ZBTB37: variants seen among roughly 807,000 people sequenced by gnomAD.
ZBTB37 encodes the protein zinc finger and BTB domain-containing protein 37.
Under a neutral mutation model 37.7 loss-of-function variants are expected in ZBTB37, and 15 were observed. That is an observed-to-expected ratio of 0.40 (90% CI 0.27 to 0.61). ZBTB37 has a LOEUF of 0.61. Ranked by LOEUF, ZBTB37 falls within the 20% of genes least tolerant of loss-of-function variation. The pLI is 0.44. For synonymous variants in ZBTB37, 231 were observed against 220.6 expected (o/e 1.05, Z -0.42); for missense variants, 514 against 641.9 (o/e 0.80, Z 2.15).
intron 4 of ZBTB37, among the ~76,000 whole-genome samples, chr1:173,883,009 G>A (rs986470771): frequency 6.6e-6 from 1 of 152,172 alleles, no homozygotes; most frequent in Non-Finnish European, 1.5e-5. Flanking sequence ...TCACTTTACA[G>A]GTGAGGAAAC....
At chr1:173,875,331 T>TATATATATA (rs367970109) in intron 4 of ZBTB37, among the ~76,000 whole-genome samples, 17 of 132,344 alleles carry the variant, frequency 1.3e-4, no homozygotes, top group African/African-American at 2.9e-4. Context: ...TATATATATA[T>TATATATATA]TTTTTTTTTT....
At position 173,886,115 on chromosome 1, in the gene ZBTB37, G is replaced by A. The variant is rs541238595; in HGVS notation, c.1503G>A (p.Gly501=). Residue 501 remains glycine (G), a synonymous_variant, in exon 5 of 5, where the codon GGG becomes GGA. Coordinates refer to ENST00000427304, the Ensembl canonical transcript of ZBTB37. ...TCCAGGGCTCTGTGTCCACCACTGG[G>A]CCAGACTGAAACATCCAGGGGGAGG... The A allele has an allele frequency of 7.1e-6, 11 of 1,550,400 alleles. No individual in the cohort carries two copies. In the South Asian group the frequency reaches 1.2e-4, roughly 17 times the overall value.
exon 4 of ZBTB37, chr1:173,896,783 A>ATAG (rs1657062804): frequency 6.6e-6 from 1 of 152,344 alleles, no homozygotes; most frequent in Admixed American, 6.5e-5. Context: ...ATAAAGTAAT[A>ATAG]GAATCCTAAC....
chr1:173,870,985 C>T (rs1334755497), exon 3 of ZBTB37: 1 of 1,614,076 alleles, frequency 6.2e-7, no homozygotes, highest in African/African-American at 1.3e-5. Context: ...GGAGGAGTGG[C>T]TTGGGCCTGA....
At chr1:173,900,143 A>G (rs763235490) in exon 4 of ZBTB37, 1 of 152,192 alleles carries the variant, frequency 6.6e-6, no homozygotes, top group Non-Finnish European at 1.5e-5. Flanking sequence ...TGATGGTAAT[A>G]TGTTTGATTA....
At chr1:173,887,410 A>G (rs986933528), downstream of ZBTB37, 7 of 152,220 alleles carry the variant, frequency 4.6e-5, no homozygotes, top group African/African-American at 1.7e-4. Context: ...ATCAGAAAAC[A>G]TCATGCAGAA....
exon 5 of ZBTB37, chr1:173,885,846 C>T (rs1263188328): frequency 1.9e-6 from 3 of 1,551,844 alleles, no homozygotes; most frequent in Non-Finnish European, 2.6e-6. Flanking sequence ...GAAGTATACC[C>T]GGAAAGATCA....
intron 1 of ZBTB37, 28 bp from the exon 2 acceptor site, chr1:173,868,897 A>T (rs1572041199): frequency 6.5e-6 from 1 of 152,752 alleles, no homozygotes; most frequent in Non-Finnish European, 1.5e-5. Context: ...GGCCAACCCC[A>T]TGCCGTTCCC....
At chr1:173,873,994 G>A (rs535868042) in intron 4 of ZBTB37, among the ~76,000 whole-genome samples, 8 of 152,108 alleles carry the variant, frequency 5.3e-5, no homozygotes, top group East Asian at 1.9e-4. Context: ...AGTGGCTCGC[G>A]CCTGTAATCC....
chr1:173,871,590 A>G (rs542457318), intron 3 of ZBTB37, among the ~76,000 whole-genome samples: 2 of 152,306 alleles, frequency 1.3e-5, no homozygotes, highest in East Asian at 3.9e-4. Flanking sequence ...CCAACTACCA[A>G]ATTAGAGGAA....
rs200636746 is a variant in ZBTB37, at chr1:173,873,530, T to C, written c.987T>C (p.Pro329=). Residue 329 remains proline, a synonymous_variant, in exon 4 of 5, where the codon CCT becomes CCC. Coordinates refer to ENST00000427304, the Ensembl canonical transcript of ZBTB37. ...GACACAGAGCCAGAAGTGAGTCTCCTGGGAGAATGGATGAGCCTAAGCAAC... is the reference window on the plus strand; with the variant it reads ...GACACAGAGCCAGAAGTGAGTCTCCCGGGAGAATGGATGAGCCTAAGCAAC... 5.7e-5 allele frequency: 92 copies of C among 1,614,036 alleles called. No individual in the cohort carries two copies. In the East Asian group the frequency reaches 1.5e-3, roughly 26 times the overall value.
intron 2 of ZBTB37, among the ~76,000 whole-genome samples, chr1:173,869,339 CTGTACTTTCAACTATCTTGT>C (rs1655330624): frequency 7.8e-6 from 1 of 128,682 alleles, no homozygotes; most frequent in African/African-American, 5.0e-5. Flanking sequence ...GTAGTTGAAA[CTGTACTTTCAACTATCTTGT>C]ATACAGCTTC....
At chr1:173,876,393 C>T (rs894644725) in intron 4 of ZBTB37, among the ~76,000 whole-genome samples, 2 of 152,122 alleles carry the variant, frequency 1.3e-5, no homozygotes, top group African/African-American at 4.8e-5. Flanking sequence ...CCTTGGCTCA[C>T]TGCAACCTCC....
At chr1:173,901,731 AT>A (rs1452696929) in exon 4 of ZBTB37, 1 of 152,224 alleles carries the variant, frequency 6.6e-6, no homozygotes, top group Non-Finnish European at 1.5e-5. Context: ...AAATGAGTAC[AT>A]TGGAAGAACA....
At chr1:173,875,332 T>TA (rs199857517) in intron 4 of ZBTB37, among the ~76,000 whole-genome samples, 1,043 of 81,792 alleles carry the variant, frequency 0.013, 15 homozygotes, top group African/African-American at 0.047. Context: ...ATATATATAT[T>TA]TTTTTTTTTT....
chr1:173,870,894 G>T (rs1423590681), exon 3 of ZBTB37: 1 of 1,614,260 alleles, frequency 6.2e-7, no homozygotes, highest in Non-Finnish European at 8.5e-7. Context: ...GGTATGTGGA[G>T]ACAGGAGTGG....
exon 4 of ZBTB37, chr1:173,896,664 TACA>T (rs1657059450): frequency 1.3e-5 from 2 of 152,260 alleles, no homozygotes; most frequent in African/African-American, 4.8e-5. Context: ...TTCAAGCTAA[TACA>T]ACAACCTGAG....
In ZBTB37 at chr1:173,879,178, T is replaced by C. The variant is rs530186724; in HGVS notation, c.1023+5612T>C. ...CATGGAAAGCCCCCAGTTGCTTCTCTCTACTTTAGGATTAAAGATGAGGTA... is the reference window on the plus strand; with the variant it reads ...CATGGAAAGCCCCCAGTTGCTTCTCCCTACTTTAGGATTAAAGATGAGGTA... On this transcript the variant is annotated intron_variant, in intron 4 of 4. Coordinates refer to ENST00000427304, the Ensembl canonical transcript of ZBTB37. 3.3e-5 allele frequency among the ~76,000 whole-genome samples: 5 copies of C among 152,106 alleles called. No homozygotes were observed. In the South Asian group the frequency reaches 1.0e-3, roughly 32 times the overall value.
intron 3 of ZBTB37, among the ~76,000 whole-genome samples, chr1:173,872,509 T>TA (rs1018588722): frequency 1.3e-5 from 2 of 152,100 alleles, no homozygotes; most frequent in Non-Finnish European, 2.9e-5. Flanking sequence ...CTTCAGGTGA[T>TA]CTTGATTTGA....
Sources: gnomAD v4.1 joint callset for allele counts (sites outside exome capture counted in the v4.1 genomes callset) on GRCh38, gnomAD v4.1.1 for gene constraint, MANE v1.5 for transcripts, NCBI Gene and HGNC (gene_info 2026-07-23, HGNC 2026-07-21) for gene names.